DGKH: variants seen among roughly 807,000 people sequenced by gnomAD.
The protein encoded by DGKH is diacylglycerol kinase eta.
A neutral mutation model predicts 159.3 loss-of-function variants in DGKH; 90 were observed. The ratio of observed to expected loss-of-function variants is 0.57; its 90% confidence interval spans 0.48 to 0.67. The LOEUF is 0.67. Among genes scored for constraint, DGKH ranks in the 30% least tolerant of loss-of-function variants. The probability of loss-of-function intolerance (pLI) is 0.00; values close to 1 mark genes in which losing one functional copy is unlikely to be tolerated. For synonymous variants in DGKH, 536 were observed against 553.8 expected, an observed-to-expected ratio of 0.97 and a Z score of 0.45; for missense variants, 1,181 against 1,506.1, an observed-to-expected ratio of 0.78 and a Z score of 3.57.
At chr13:42,135,378 A>C (rs1000893918) in intron 3 of DGKH, among the ~76,000 whole-genome samples, 1 of 151,296 alleles carries the variant, frequency 6.6e-6, no homozygotes, top group Admixed American at 6.6e-5. Context: ...GCATGCCTGT[A>C]GTCAAAGCTA....
intron 1 of DGKH, among the ~76,000 whole-genome samples, 156 bp downstream of exon 1, chr13:42,049,121 GGCGGGGAAGGCGGGGAT>G (rs1881044155): frequency 3.1e-5 from 4 of 129,456 alleles, no homozygotes; most frequent in Admixed American, 7.5e-5. Context: ...AGGCGGGGAA[GGCGGGGAAGGCGGGGAT>G]GGTGAGACGG....
intron 3 of DGKH, among the ~76,000 whole-genome samples, chr13:42,137,522 A>G (rs1955425143): frequency 1.3e-5 from 2 of 152,212 alleles, no homozygotes; most frequent in South Asian, 4.1e-4. Flanking sequence ...CTCAATTTCT[A>G]TCTTCATGAC....
At chr13:42,215,548 CAT>C (rs756232976) in intron 25 of DGKH, 25 bp from the exon 26 acceptor site, 57 of 1,537,650 alleles carry the variant, frequency 3.7e-5, no homozygotes, top group East Asian at 3.2e-4. Context: ...ATACAGATCA[CAT>C]GTCTTTGATA....
intron 11 of DGKH, among the ~76,000 whole-genome samples, chr13:42,169,490 G>A (rs1349834241): frequency 6.6e-6 from 1 of 152,130 alleles, no homozygotes; most frequent in East Asian, 1.9e-4. Context: ...TTTAAAATTT[G>A]GGTATAAGGA....
At chr13:42,051,537 T>A (rs1424766143) in intron 1 of DGKH, among the ~76,000 whole-genome samples, 1 of 151,878 alleles carries the variant, frequency 6.6e-6, no homozygotes, top group African/African-American at 2.4e-5. Context: ...CAGATGAGAA[T>A]TAAGGAAGGA....
upstream of DGKH, among the ~76,000 whole-genome samples, chr13:42,047,888 CTT>C (rs1375354564): frequency 6.6e-6 from 1 of 152,102 alleles, no homozygotes; most frequent in East Asian, 1.9e-4. Flanking sequence ...CGTGTAGTCT[CTT>C]GTTTCTGCGC....
chr13:42,153,043 GT>G (rs1189619013), intron 3 of DGKH, among the ~76,000 whole-genome samples: 1 of 139,412 alleles, frequency 7.2e-6, no homozygotes, highest in Non-Finnish European at 1.6e-5. Flanking sequence ...TAATTTTCCA[GT>G]TTTTTTTGCC....
At chr13:42,052,034 T>A (rs1881360345) in intron 1 of DGKH, among the ~76,000 whole-genome samples, 1 of 152,170 alleles carries the variant, frequency 6.6e-6, no homozygotes, top group Non-Finnish European at 1.5e-5. Context: ...TCAAAACTGG[T>A]CAAATATGGA....
At chr13:42,063,309 G>A (rs1049590878) in intron 1 of DGKH, among the ~76,000 whole-genome samples, 1 of 152,134 alleles carries the variant, frequency 6.6e-6, no homozygotes, top group African/African-American at 2.4e-5. Context: ...TTCCCGAACA[G>A]CTGACACATT....
intron 1 of DGKH, among the ~76,000 whole-genome samples, chr13:42,072,636 T>C (rs1883044973): frequency 6.6e-6 from 1 of 152,186 alleles, no homozygotes; most frequent in African/African-American, 2.4e-5. Flanking sequence ...CATTTCTAAA[T>C]TTACTAGATT....
chr13:42,189,347 A>C (rs370409535), intron 15 of DGKH, 38 bp downstream of exon 15: 1 of 1,610,112 alleles, frequency 6.2e-7, no homozygotes, highest in Non-Finnish European at 8.5e-7. Context: ...AGAAGTTGGC[A>C]GCATTTCTAC....
chr13:42,101,722 G>T (rs192274161), intron 1 of DGKH, among the ~76,000 whole-genome samples: 33 of 152,170 alleles, frequency 2.2e-4, no homozygotes, highest in African/African-American at 7.7e-4. Flanking sequence ...AAGAGGGACG[G>T]GGAACAGGTA....
At chr13:42,204,699 G>C (rs1957422269) in intron 20 of DGKH, among the ~76,000 whole-genome samples, 2 of 152,122 alleles carry the variant, frequency 1.3e-5, no homozygotes, top group South Asian at 4.1e-4. Flanking sequence ...GTTGGTCTTG[G>C]ACCAGCTGTA....
intron 12 of DGKH, among the ~76,000 whole-genome samples, chr13:42,174,436 T>C (rs541523424): frequency 1.3e-5 from 2 of 152,228 alleles, no homozygotes; most frequent in Admixed American, 1.3e-4. Context: ...GGGAGTTAAA[T>C]GATGTAACAG....
chr13:42,208,633 A>G (rs1298914289), intron 21 of DGKH, among the ~76,000 whole-genome samples: 1 of 151,792 alleles, frequency 6.6e-6, no homozygotes, highest in East Asian at 1.9e-4. Flanking sequence ...TCTTATTAAC[A>G]TGTTTGAATT....
chr13:42,123,363 A>G (rs1025478562), intron 1 of DGKH, among the ~76,000 whole-genome samples: 2 of 152,214 alleles, frequency 1.3e-5, no homozygotes, highest in African/African-American at 2.4e-5. Flanking sequence ...ACTAGATTCT[A>G]TGTTGAGATT....
At chr13:42,047,786 T>C (rs1450954774), upstream of DGKH, among the ~76,000 whole-genome samples, 1 of 152,162 alleles carries the variant, frequency 6.6e-6, no homozygotes, top group African/African-American at 2.4e-5. Flanking sequence ...GGTACTGGTG[T>C]TCGCATGGCT....
intron 1 of DGKH, among the ~76,000 whole-genome samples, chr13:42,118,924 G>A (rs1955013354): frequency 6.6e-6 from 1 of 152,154 alleles, no homozygotes; most frequent in South Asian, 2.1e-4. Flanking sequence ...CCTTAAAACA[G>A]TACTTTTAGA....
chr13:42,170,321 G>A (rs1956417037), intron 11 of DGKH, among the ~76,000 whole-genome samples: 1 of 152,194 alleles, frequency 6.6e-6, no homozygotes, highest in African/African-American at 2.4e-5. Flanking sequence ...GCCGATGTGG[G>A]AGGATCACTT....
Sources: allele counts gnomAD v4.1 joint callset (sites outside exome capture counted in the v4.1 genomes callset), GRCh38; gene constraint gnomAD v4.1.1; transcripts MANE v1.5; gene names NCBI Gene and HGNC (gene_info 2026-07-23, HGNC 2026-07-21).